Variants in CTNNA2 observed in about 807,000 individuals in gnomAD.
CTNNA2 encodes the protein catenin alpha-2.
A neutral mutation model predicts 101.0 loss-of-function variants in CTNNA2; 42 were observed. The observed-to-expected ratio is 0.42, with a 90% confidence interval of 0.32 to 0.54. The LOEUF (loss-of-function observed/expected upper bound fraction) is 0.54, where lower values mean the gene tolerates loss of function less well. Among genes scored for constraint, CTNNA2 ranks in the 20% least tolerant of loss-of-function variants. The pLI is 0.14. For synonymous variants in CTNNA2, 450 were observed against 456.4 expected, an observed-to-expected ratio of 0.99 and a Z score of 0.18; for missense variants, 871 against 1,223.1, an observed-to-expected ratio of 0.71 and a Z score of 4.29.
At chr2:79,570,879 G>A (rs1675421839) in intron 1 of CTNNA2, among the ~76,000 whole-genome samples, 1 of 152,120 alleles carries the variant, frequency 6.6e-6, no homozygotes, top group Non-Finnish European at 1.5e-5. Context: ...GACCACAGCA[G>A]AGAAAATGTA....
intron 16 of CTNNA2, chr2:80,605,810 T>G (rs576447459): frequency 1.3e-5 from 2 of 152,100 alleles, no homozygotes; most frequent in African/African-American, 4.8e-5. Flanking sequence ...CTTTTGACTT[T>G]TGGAGAAATG....
intron 3 of CTNNA2, among the ~76,000 whole-genome samples, chr2:79,805,022 A>T (rs1391286044): frequency 6.6e-6 from 1 of 152,142 alleles, no homozygotes; most frequent in South Asian, 2.1e-4. Flanking sequence ...GGTTGTATAT[A>T]GGAAGGCTTG....
At chr2:80,313,011 A>G (rs1444107758) in intron 7 of CTNNA2, among the ~76,000 whole-genome samples, 1 of 152,226 alleles carries the variant, frequency 6.6e-6, no homozygotes, top group Admixed American at 6.5e-5. Context: ...ATGCTTGCCT[A>G]ATCAATAGCC....
intron 7 of CTNNA2, among the ~76,000 whole-genome samples, chr2:80,261,253 A>G (rs1477619302): frequency 6.6e-6 from 1 of 152,082 alleles, no homozygotes; most frequent in Non-Finnish European, 1.5e-5. Context: ...TGTGCTGCAA[A>G]TGTCAGTTCA....
At chr2:79,297,954 C>A (rs557739952) in intron 2 of CTNNA2, among the ~76,000 whole-genome samples, 2 of 152,296 alleles carry the variant, frequency 1.3e-5, no homozygotes, top group South Asian at 4.1e-4. Context: ...TTTTAAACTT[C>A]CAACATTTTG....
chr2:80,503,648 G>C (rs1688046554), intron 9 of CTNNA2, among the ~76,000 whole-genome samples: 1 of 152,066 alleles, frequency 6.6e-6, no homozygotes, highest in African/African-American at 2.4e-5. Flanking sequence ...TTATTATGGA[G>C]CTTGATTAAT....
chr2:79,372,290 T>G (rs1399625219), intron 3 of CTNNA2, among the ~76,000 whole-genome samples: 1 of 152,138 alleles, frequency 6.6e-6, no homozygotes, highest in Non-Finnish European at 1.5e-5. Context: ...GTATTATTTT[T>G]CCTCCTTGAT....
At chr2:80,259,332 C>T (rs183470690) in intron 7 of CTNNA2, among the ~76,000 whole-genome samples, 18 of 152,238 alleles carry the variant, frequency 1.2e-4, no homozygotes, top group African/African-American at 3.6e-4. Flanking sequence ...GGTGAGGAGA[C>T]GGAACTGCAC....
intron 7 of CTNNA2, among the ~76,000 whole-genome samples, chr2:79,933,027 C>T (rs929007436): frequency 6.6e-6 from 1 of 152,144 alleles, no homozygotes; most frequent in Non-Finnish European, 1.5e-5. Context: ...GTCAATATTT[C>T]TAGCATATAT....
intron 17 of CTNNA2, among the ~76,000 whole-genome samples, chr2:80,608,699 A>C (rs752343505): frequency 3.3e-5 from 5 of 151,834 alleles, no homozygotes; most frequent in Non-Finnish European, 7.4e-5. Context: ...CAGCCTCTCT[A>C]TGTGTGGATT....
chr2:79,757,374 T>C (rs9309552), intron 3 of CTNNA2, among the ~76,000 whole-genome samples: 8,680 of 152,246 alleles, frequency 0.057, 787 homozygotes, highest in African/African-American at 0.19. Context: ...TTGCAAAGAA[T>C]GGTAAATTAT....
At chr2:80,510,898 T>C (rs1209862889) in intron 9 of CTNNA2, among the ~76,000 whole-genome samples, 1 of 152,214 alleles carries the variant, frequency 6.6e-6, no homozygotes, top group African/African-American at 2.4e-5. Context: ...CTTGTTTATA[T>C]GTTTTTATCA....
intron 3 of CTNNA2, among the ~76,000 whole-genome samples, chr2:79,326,013 A>C (rs1389587857): frequency 6.6e-6 from 1 of 152,200 alleles, no homozygotes; most frequent in Non-Finnish European, 1.5e-5. Context: ...GACGTTTATG[A>C]TGATAAAACA....
intron 3 of CTNNA2, among the ~76,000 whole-genome samples, chr2:79,778,187 CA>C (rs967422313): frequency 3.3e-5 from 5 of 150,016 alleles, no homozygotes; most frequent in Admixed American, 6.7e-5. Context: ...ACTAAAAATA[CA>C]AAAAAAAATT....
intron 7 of CTNNA2, among the ~76,000 whole-genome samples, chr2:80,055,757 C>T (rs558993060): frequency 1.3e-5 from 2 of 152,122 alleles, no homozygotes; most frequent in South Asian, 4.2e-4. Flanking sequence ...AGTTTGTGAC[C>T]CCTAATGCAG....
chr2:80,353,516 A>G (rs754902133), intron 7 of CTNNA2, among the ~76,000 whole-genome samples: 2 of 152,160 alleles, frequency 1.3e-5, no homozygotes, highest in African/African-American at 2.4e-5. Context: ...AATTTAAAAA[A>G]TGTATATAAC....
intron 7 of CTNNA2, among the ~76,000 whole-genome samples, chr2:79,913,976 G>A: frequency 6.6e-6 from 1 of 151,734 alleles, no homozygotes; most frequent in African/African-American, 2.4e-5. Flanking sequence ...GACCATCCCG[G>A]CTAAAACGGT....
chr2:79,870,683 C>CT (rs1213509805), intron 5 of CTNNA2, among the ~76,000 whole-genome samples: 1 of 152,092 alleles, frequency 6.6e-6, no homozygotes. Flanking sequence ...CCTCAGGAAA[C>CT]TTACAATCAT....
chr2:79,958,249 G>C (rs990980645), intron 7 of CTNNA2, among the ~76,000 whole-genome samples: 3 of 152,098 alleles, frequency 2.0e-5, no homozygotes, highest in Non-Finnish European at 2.9e-5. Context: ...AGGCAGAACA[G>C]ACCCCCCAAA....
Sources: gnomAD v4.1 joint callset for allele counts (sites outside exome capture counted in the v4.1 genomes callset) on GRCh38, gnomAD v4.1.1 for gene constraint, MANE v1.5 for transcripts, NCBI Gene and HGNC (gene_info 2026-07-23, HGNC 2026-07-21) for gene names.